Variants in GRM7 observed in about 807,000 individuals in gnomAD.
GRM7 encodes metabotropic glutamate receptor 7.
GRM7 carries 35 observed loss-of-function variants against 84.5 expected under a neutral mutation model. The ratio of observed to expected loss-of-function variants is 0.41; its 90% CI spans 0.32 to 0.55. The LOEUF is 0.55. Among genes scored for constraint, GRM7 ranks in the 20% least tolerant of loss-of-function variants. GRM7 has a pLI of 0.19. For missense variants in GRM7, 1,003 were observed against 1,194.6 expected, an observed-to-expected ratio of 0.84 and a Z score of 2.36; for synonymous variants, 487 against 455.1, an observed-to-expected ratio of 1.07 and a Z score of -0.89.
intron 1 of GRM7, among the ~76,000 whole-genome samples, chr3:7,136,552 A>C (rs1449657116): frequency 3.4e-5 from 5 of 147,902 alleles, no homozygotes; most frequent in African/African-American, 1.3e-4. Context: ...TATGCCGAGG[A>C]AAAGAAAAGG....
At chr3:6,897,253 C>T (rs1169703774) in intron 1 of GRM7, among the ~76,000 whole-genome samples, 2 of 152,168 alleles carry the variant, frequency 1.3e-5, no homozygotes, top group East Asian at 1.9e-4. Flanking sequence ...CCTGCTAGTT[C>T]TCAAAGTGTG....
chr3:7,541,489 C>A (rs1692881018), intron 7 of GRM7, among the ~76,000 whole-genome samples: 1 of 152,094 alleles, frequency 6.6e-6, no homozygotes, highest in African/African-American at 2.4e-5. Flanking sequence ...TACAGCAACT[C>A]TGTATGATTC....
intron 4 of GRM7, among the ~76,000 whole-genome samples, chr3:7,364,382 T>C (rs1011129493): frequency 6.6e-6 from 1 of 151,888 alleles, no homozygotes; most frequent in Non-Finnish European, 1.5e-5. Context: ...AAGTTTATGA[T>C]GAGTGTCTTA....
At chr3:7,373,580 T>C (rs1018235636) in intron 4 of GRM7, among the ~76,000 whole-genome samples, 1 of 152,214 alleles carries the variant, frequency 6.6e-6, no homozygotes, top group Non-Finnish European at 1.5e-5. Flanking sequence ...TTTCTCCCAT[T>C]CTTTCTCCTT....
rs183881391 is a variant in GRM7, at chr3:7,339,258, G to C, written c.1033+32606G>C. Among the ~76,000 whole-genome samples the C allele has an allele frequency of 5.3e-5, 8 of 152,158 alleles. No individual in the cohort carries two copies. In the East Asian group the frequency reaches 1.5e-3, roughly 29 times the overall value. ...TGGAATATATACCTGCAAGAGATTGGAAAGCAATCAAAAAAACAAAAACCA... is the reference window on the plus strand; with the variant it reads ...TGGAATATATACCTGCAAGAGATTGCAAAGCAATCAAAAAAACAAAAACCA... On this transcript the variant is annotated intron_variant, in intron 4 of 9. Coordinates refer to ENST00000357716, the MANE Select transcript of GRM7 (RefSeq NM_000844.4).
chr3:7,096,567 A>G (rs776559881), intron 1 of GRM7, among the ~76,000 whole-genome samples: 15 of 152,104 alleles, frequency 9.9e-5, no homozygotes, highest in Non-Finnish European at 1.9e-4. Context: ...CAGGAACTTC[A>G]TTGAGCTTCG....
At chr3:7,587,095 A>T (rs979577457) in intron 8 of GRM7, among the ~76,000 whole-genome samples, 4 of 152,146 alleles carry the variant, frequency 2.6e-5, no homozygotes, top group African/African-American at 9.7e-5. Context: ...GTCAAAATTG[A>T]TCAATTTGCA....
chr3:7,418,514 A>G (rs1696264633), intron 5 of GRM7, among the ~76,000 whole-genome samples: 1 of 152,124 alleles, frequency 6.6e-6, no homozygotes, highest in Admixed American at 6.6e-5. Context: ...TTTACCACAT[A>G]CCATTTTCAT....
At chr3:7,350,099 A>G (rs1693071472) in intron 4 of GRM7, among the ~76,000 whole-genome samples, 1 of 152,154 alleles carries the variant, frequency 6.6e-6, no homozygotes, top group Admixed American at 6.6e-5. Flanking sequence ...CTAATCACAA[A>G]ACATAAGGAC....
At chr3:7,075,521 TGTGTGTGTGTG>T (rs1698038835) in intron 1 of GRM7, among the ~76,000 whole-genome samples, 5 of 150,976 alleles carry the variant, frequency 3.3e-5, no homozygotes, top group African/African-American at 1.2e-4. Flanking sequence ...TGTGTGTGTG[TGTGTGTGTGTG>T]TGTGTGTGTG....
rs540123980 is a variant in GRM7, at chr3:6,950,528, G to A, written c.519+88621G>A. On this transcript the variant is annotated intron_variant, in intron 1 of 9. Coordinates refer to ENST00000357716, the MANE Select transcript of GRM7 (RefSeq NM_000844.4). ...AGGGACCCGCTTGAGGAGCCAGTCT[G>A]CCCGTTCTCAGATCTCCAGCTGCAT... Among the ~76,000 whole-genome samples, 897 of 152,326 alleles carry A rather than the reference G, an allele frequency of 5.9e-3. 3 individuals are homozygous for A. The highest frequency in any genetic ancestry group is 9.4e-3 in the Non-Finnish European group (638 of 68,034).
chr3:7,377,988 T>C (rs1405916820), intron 4 of GRM7, among the ~76,000 whole-genome samples: 3 of 152,200 alleles, frequency 2.0e-5, no homozygotes, highest in Non-Finnish European at 2.9e-5. Flanking sequence ...TTTCCCAGAA[T>C]GTAGTCACCA....
At chr3:6,994,143 G>A (rs534127288) in intron 1 of GRM7, among the ~76,000 whole-genome samples, 1 of 152,158 alleles carries the variant, frequency 6.6e-6, no homozygotes, top group Admixed American at 6.5e-5. Context: ...AGAAAATATT[G>A]AGCCAATAGA....
At chr3:7,424,289 T>G (rs1014485185) in intron 5 of GRM7, among the ~76,000 whole-genome samples, 1 of 151,764 alleles carries the variant, frequency 6.6e-6, no homozygotes, top group African/African-American at 2.4e-5. Flanking sequence ...TTGGCCTTCG[T>G]TTAAAACCAA....
intron 2 of GRM7, among the ~76,000 whole-genome samples, chr3:7,277,160 A>AT (rs1428081827): frequency 6.6e-6 from 1 of 152,024 alleles, no homozygotes; most frequent in East Asian, 1.9e-4. Context: ...CTGGAGTCCA[A>AT]TTTTAACCTC....
At chr3:7,481,878 C>T (rs1441886414) in intron 7 of GRM7, among the ~76,000 whole-genome samples, 5 of 152,182 alleles carry the variant, frequency 3.3e-5, no homozygotes, top group Non-Finnish European at 4.4e-5. Flanking sequence ...GAGGTCAAAG[C>T]ATTTTGCTAA....
chr3:7,637,695 C>CGTAGTG (rs1698162969), intron 8 of GRM7, among the ~76,000 whole-genome samples: 1 of 152,162 alleles, frequency 6.6e-6, no homozygotes, highest in Admixed American at 6.5e-5. Context: ...GACCACTGGC[C>CGTAGTG]GTAGTGACAG....
chr3:6,984,249 AT>A (rs1694315160), intron 1 of GRM7, among the ~76,000 whole-genome samples: 1 of 152,190 alleles, frequency 6.6e-6, no homozygotes, highest in South Asian at 2.1e-4. Flanking sequence ...CATGAGTTCA[AT>A]GAATGTTGTA....
intron 7 of GRM7, among the ~76,000 whole-genome samples, chr3:7,561,252 A>C (rs1364387989): frequency 6.6e-6 from 1 of 152,104 alleles, no homozygotes. Flanking sequence ...TCTCTGCTCC[A>C]ATATTCTAGA....
Sources: allele counts gnomAD v4.1 joint callset (sites outside exome capture counted in the v4.1 genomes callset), GRCh38; gene constraint gnomAD v4.1.1; transcripts MANE v1.5; gene names NCBI Gene and HGNC (gene_info 2026-07-23, HGNC 2026-07-21).